The following ADGRE3 variants were observed in gnomAD, a reference collection of about 807,000 sequenced individuals.
The protein encoded by ADGRE3 is EGF-like module receptor 3.
ADGRE3 carries 88 observed loss-of-function variants against 80.1 expected under a neutral mutation model. The ratio of observed to expected loss-of-function variants is 1.10; its 90% CI spans 0.93 to 1.31. The LOEUF is 1.31. ADGRE3 is among the 40% of genes most tolerant of loss of function. The pLI is 0.00. For missense variants in ADGRE3, 715 were observed against 776.5 expected (o/e 0.92, Z 0.94); for synonymous variants, 281 against 294.8 (o/e 0.95, Z 0.48).
Position 14,641,438 on chromosome 19 carries a change from A to G in ADGRE3, c.1229T>C (p.Ile410Thr), listed in dbSNP as rs1481442587. Reference sequence around the variant, plus strand: ...CAGTACCTTGGGTTCAGTTCGATCAATCCCCACGAGGAAGAGGAGGTGGGC... The same window carrying G: ...CAGTACCTTGGGTTCAGTTCGATCAGTCCCCACGAGGAAGAGGAGGTGGGC... ...FLAHLLFLVG[I>T]DRTEPKVLCS... Residue 410 changes from isoleucine to threonine, a missense_variant, in exon 10 of 16, where the codon ATT becomes ACT. Transcript: ENST00000253673. The G allele has an allele frequency of 5.0e-6, 8 of 1,613,984 alleles. No homozygotes were observed. The highest frequency in any genetic ancestry group is 6.8e-6 in the Non-Finnish European group (8 of 1,180,012).
the ADGRE3 span, among the ~76,000 whole-genome samples, chr19:14,608,832 C>T: frequency 1.1e-4 from 16 of 148,240 alleles, no homozygotes; most frequent in Non-Finnish European, 2.2e-4. Context: ...CGGAGTCTCA[C>T]TCTGTGGCCC....
At chr19:14,654,062 C>T (rs1971680221) in intron 6 of ADGRE3, among the ~76,000 whole-genome samples, 1 of 151,616 alleles carries the variant, frequency 6.6e-6, no homozygotes, top group Non-Finnish European at 1.5e-5. Flanking sequence ...AAGTGATTCT[C>T]CCACCTCAGC....
intron 15 of ADGRE3, among the ~76,000 whole-genome samples, chr19:14,620,569 T>TATATA (rs1427819287): frequency 0.014 from 108 of 7,524 alleles, 11 homozygotes; most frequent in African/African-American, 0.02. Flanking sequence ...TATATATATA[T>TATATA]TTTTTTTTTT....
In ADGRE3 at chr19:14,634,076, C is replaced by T. The variant is rs966609808; in HGVS notation, c.1485-774G>A. ...ACAGGCGTGAGCCACCACGCCCGGC[C>T]AACAATCAGCTTTGATTACACATTT... On this transcript the variant is annotated intron_variant, in intron 11 of 15. Coordinates refer to ENST00000253673, the MANE Select transcript of ADGRE3 (RefSeq NM_032571.5). Among the ~76,000 whole-genome samples, 7 of 152,014 alleles carry T rather than the reference C, an allele frequency of 4.6e-5. No individual in the cohort carries two copies. In the East Asian group the frequency reaches 1.4e-3, roughly 29 times the overall value.
At chr19:14,672,271 A>G (rs1972277749) in intron 1 of ADGRE3, among the ~76,000 whole-genome samples, 1 of 152,202 alleles carries the variant, frequency 6.6e-6, no homozygotes, top group South Asian at 2.1e-4. Context: ...AGGGTTTCTG[A>G]AGAGTCATCG....
intron 2 of ADGRE3, among the ~76,000 whole-genome samples, chr19:14,665,951 T>C (rs200549532): frequency 0.016 from 499 of 30,918 alleles, 27 homozygotes; most frequent in East Asian, 0.034. Context: ...TATATATATA[T>C]ATATATATAT....
chr19:14,651,346 T>C (rs1971602893), intron 6 of ADGRE3, 142 bp from the exon 7 acceptor site: 3 of 859,914 alleles, frequency 3.5e-6, no homozygotes, highest in South Asian at 1.6e-5. Flanking sequence ...GCCCAGGAAT[T>C]TGAGCCCAGG....
intron 8 of ADGRE3, 92 bp downstream of exon 8, chr19:14,647,089 A>G (rs957976041): frequency 1.0e-6 from 1 of 986,900 alleles, no homozygotes; most frequent in East Asian, 2.4e-5. Context: ...CCCTGAACAG[A>G]GTGGGTCTAG....
At chr19:14,650,292 C>G in intron 7 of ADGRE3, among the ~76,000 whole-genome samples, 1 of 150,420 alleles carries the variant, frequency 6.6e-6, no homozygotes, top group Non-Finnish European at 1.5e-5. Flanking sequence ...GTCTTTCCAC[C>G]ACTCTCCCCA....
In ADGRE3 at chr19:14,658,559, G is replaced by C. The variant is rs373732973; in HGVS notation, c.356-9C>G. On this transcript the variant is annotated splice_polypyrimidine_tract_variant and intron_variant, in intron 4 of 15. Transcript: ENST00000253673. Reference sequence around the variant, plus strand: ...CTTTGAGGAGGTGGTGTCTGCAAAAGACATCATGATGGAGTTACTATTGGA... The same window carrying C: ...CTTTGAGGAGGTGGTGTCTGCAAAACACATCATGATGGAGTTACTATTGGA... 155 of 1,553,300 alleles carry C rather than the reference G, an allele frequency of 1.0e-4. No individual in the cohort carries two copies. Among genetic ancestry groups the C allele is most frequent in the Non-Finnish European group, 1.3e-4 (147 of 1,148,846 alleles).
chr19:14,641,585 T>C lies in ADGRE3; in HGVS notation c.1082A>G (p.Tyr361Cys), dbSNP rs778992035. 1.9e-6 allele frequency: 3 copies of C among 1,613,990 alleles called. No individual in the cohort carries two copies. Among genetic ancestry groups the C allele is most frequent in the East Asian group, 4.5e-5 (2 of 44,882 alleles). Reference sequence around the variant, plus strand: ...CAGCAGAGAGACGCTCAGCCCCACGTAGGTGATGACAGTCAGCACGGGATC... The same window carrying C: ...CAGCAGAGAGACGCTCAGCCCCACGCAGGTGATGACAGTCAGCACGGGATC... ...EEDPVLTVIT[Y>C]VGLSVSLLCL... The change falls in exon 10 of 16, where the codon TAC (tyrosine) becomes TGC (cysteine). Residue 361 changes from tyrosine (Y) to cysteine (C), a missense_variant. Tyr to Cys is a radical substitution (Grantham distance 194). Coordinates refer to ENST00000253673, the MANE Select transcript of ADGRE3 (RefSeq NM_032571.5).
At chr19:14,639,506 G>A (rs1000693536) in intron 10 of ADGRE3, among the ~76,000 whole-genome samples, 1 of 152,058 alleles carries the variant, frequency 6.6e-6, no homozygotes, top group African/African-American at 2.4e-5. Context: ...CTGGGTTCAA[G>A]CAATCTTCCT....
chr19:14,606,769 G>C, the ADGRE3 span, among the ~76,000 whole-genome samples: 3 of 152,038 alleles, frequency 2.0e-5, no homozygotes, highest in Admixed American at 6.6e-5. Flanking sequence ...CTGAGGCACG[G>C]AGCAGTTCGC....
chr19:14,663,982 T>A (rs1328147000), intron 2 of ADGRE3, among the ~76,000 whole-genome samples: 1 of 151,942 alleles, frequency 6.6e-6, no homozygotes, highest in Non-Finnish European at 1.5e-5. Flanking sequence ...ATAATAATAA[T>A]AATGAGGCCT....
intron 11 of ADGRE3, 23 bp from the exon 12 acceptor site, chr19:14,633,325 T>G (rs769451728): frequency 5.1e-6 from 8 of 1,582,486 alleles, no homozygotes; most frequent in Non-Finnish European, 6.9e-6. Flanking sequence ...GGAAAAGAGA[T>G]ACAAAGAGAG....
intron 7 of ADGRE3, 27 bp from the exon 8 acceptor site, chr19:14,647,392 T>A (rs1176482261): frequency 2.8e-6 from 4 of 1,446,708 alleles, no homozygotes; most frequent in Non-Finnish European, 3.8e-6. Context: ...ATGGAATCTT[T>A]TTTCTTTTCT....
chr19:14,614,704 G>A (rs961508453), downstream of ADGRE3, among the ~76,000 whole-genome samples: 2 of 151,584 alleles, frequency 1.3e-5, no homozygotes, highest in Admixed American at 6.6e-5. Flanking sequence ...TGCCTCCCAA[G>A]TAGTTGGGAT....
intron 7 of ADGRE3, among the ~76,000 whole-genome samples, chr19:14,650,519 C>T (rs1971564549): frequency 6.6e-6 from 1 of 151,668 alleles, no homozygotes; most frequent in African/African-American, 2.4e-5. Flanking sequence ...TGTCTCTCCC[C>T]ATGTCTCTCT....
chr19:14,612,383 T>C, the ADGRE3 span, among the ~76,000 whole-genome samples: 8,506 of 152,242 alleles, frequency 0.056, 269 homozygotes, highest in African/African-American at 0.084. Flanking sequence ...TCACTCAGGC[T>C]GGAGTGCAGT....
Sources: gnomAD v4.1 joint callset for allele counts (sites outside exome capture counted in the v4.1 genomes callset) on GRCh38, gnomAD v4.1.1 for gene constraint, MANE v1.5 for transcripts, NCBI Gene and HGNC (gene_info 2026-07-23, HGNC 2026-07-21) for gene names.